Variants in TMEM132D observed in about 807,000 individuals in gnomAD.
TMEM132D encodes the protein transmembrane protein 132D, also known as mature OL transmembrane protein.
In TMEM132D, 21 loss-of-function variants were observed where a neutral mutation model predicts 62.3. The observed-to-expected ratio is 0.34, with a 90% CI of 0.24 to 0.49. The LOEUF is 0.49. Among genes scored for constraint, TMEM132D ranks in the 20% least tolerant of loss-of-function variants. The pLI, the probability that TMEM132D is intolerant of heterozygous loss-of-function variation, is 0.99. For synonymous variants in TMEM132D, 621 were observed against 575.6 expected (o/e 1.08, Z -1.13); for missense variants, 1,346 against 1,402.8 (o/e 0.96, Z 0.65).
At chr12:129,674,157 C>T (rs769042628) in intron 2 of TMEM132D, among the ~76,000 whole-genome samples, 12 of 152,108 alleles carry the variant, frequency 7.9e-5, no homozygotes, top group Non-Finnish European at 1.8e-4. Context: ...TTCCTCAAAC[C>T]CATGCAAAGG....
At chr12:129,809,282 TG>T (rs1406957752) in intron 1 of TMEM132D, among the ~76,000 whole-genome samples, 1 of 141,878 alleles carries the variant, frequency 7.0e-6, no homozygotes, top group Non-Finnish European at 1.5e-5. Context: ...CACTCCAGCC[TG>T]GGCGACAGAG....
intron 1 of TMEM132D, among the ~76,000 whole-genome samples, chr12:129,703,039 C>T (rs1017398465): frequency 1.3e-5 from 2 of 152,200 alleles, no homozygotes; most frequent in African/African-American, 2.4e-5. Flanking sequence ...GATACAGTGT[C>T]CCCTATTGTT....
rs550839342 is a variant in TMEM132D, at chr12:129,823,347, G to A, written c.79+79914C>T. Among the ~76,000 whole-genome samples, 3 of 152,344 alleles carry A rather than the reference G, an allele frequency of 2.0e-5. No individual in the cohort carries two copies. In the East Asian group the frequency reaches 5.8e-4, roughly 29 times the overall value. On this transcript the variant is annotated intron_variant, in intron 1 of 8. Transcript: ENST00000422113. ...CTGGTCATGTGGACATTTCTCCCCA[G>A]CATATGCTGAAATTCCAGACTCCTA...
At chr12:129,302,055 T>C (rs1336649432) in intron 4 of TMEM132D, among the ~76,000 whole-genome samples, 1 of 152,234 alleles carries the variant, frequency 6.6e-6, no homozygotes, top group Non-Finnish European at 1.5e-5. Flanking sequence ...TTTTCTGGGC[T>C]CAAAATCTTG....
chr12:129,468,255 A>G (rs1437165066), intron 3 of TMEM132D, among the ~76,000 whole-genome samples: 1 of 151,880 alleles, frequency 6.6e-6, no homozygotes, highest in Non-Finnish European at 1.5e-5. Flanking sequence ...TTTCTGTTGC[A>G]GAAAGAAGAG....
In TMEM132D at chr12:129,074,021, C is replaced by A; in HGVS notation, c.3154G>T (p.Ala1052Ser). 1 of 1,613,910 alleles carries A rather than the reference C, an allele frequency of 6.2e-7. No individual in the cohort carries two copies. Among genetic ancestry groups the A allele is most frequent in the South Asian group, 1.1e-5 (1 of 91,028 alleles). Residue 1052 changes from alanine to serine, a missense_variant, in exon 9 of 9, where the codon GCC becomes TCC. Physicochemically the swap from Ala to Ser is moderately conservative, Grantham distance 99. Transcript: ENST00000422113. ...GGGTACTCGTCGTCTGAGGAGACGG[C>A]GGTGAAGGTGGTAAATTTTACCCTT... The part of the protein sequence containing the change: ...RKRVKFTTFT[A>S]VSSDDEYPTR...
At chr12:129,832,111 T>TCTC (rs1387862919) in intron 1 of TMEM132D, among the ~76,000 whole-genome samples, 1 of 142,876 alleles carries the variant, frequency 7.0e-6, no homozygotes, top group East Asian at 2.1e-4. Context: ...CTGGTCTCAA[T>TCTC]CTCCGGACCT....
At chr12:129,638,471 T>C (rs1214754187) in intron 2 of TMEM132D, among the ~76,000 whole-genome samples, 1 of 110,336 alleles carries the variant, frequency 9.1e-6, no homozygotes, top group East Asian at 2.4e-4. Context: ...AAAATCACAC[T>C]ATATATATAG....
At chr12:129,612,542 C>T (rs1177683036) in intron 2 of TMEM132D, among the ~76,000 whole-genome samples, 2 of 152,176 alleles carry the variant, frequency 1.3e-5, no homozygotes, top group Non-Finnish European at 2.9e-5. Flanking sequence ...CTTACTCTTA[C>T]AGGCTTAAAG....
At chr12:129,296,072 A>G (rs1187394250) in intron 4 of TMEM132D, among the ~76,000 whole-genome samples, 4 of 79,332 alleles carry the variant, frequency 5.0e-5, no homozygotes, top group Non-Finnish European at 6.9e-5. Context: ...GAACATGCAC[A>G]CACACACACA....
intron 3 of TMEM132D, among the ~76,000 whole-genome samples, chr12:129,466,653 C>G (rs1290736042): frequency 2.0e-5 from 3 of 152,116 alleles, no homozygotes; most frequent in Non-Finnish European, 4.4e-5. Flanking sequence ...CTGGAGAAGA[C>G]ACTGTTCGAC....
chr12:129,428,753 A>G (rs1467924195), intron 3 of TMEM132D, among the ~76,000 whole-genome samples: 1 of 152,204 alleles, frequency 6.6e-6, no homozygotes, highest in Non-Finnish European at 1.5e-5. Flanking sequence ...CTGTTTCATC[A>G]CTTAGTCCTT....
At chr12:129,319,629 G>A (rs577802969) in intron 4 of TMEM132D, among the ~76,000 whole-genome samples, 1 of 152,320 alleles carries the variant, frequency 6.6e-6, no homozygotes, top group East Asian at 1.9e-4. Flanking sequence ...AGAAAATCTG[G>A]ACTGTTCAGA....
intron 5 of TMEM132D, among the ~76,000 whole-genome samples, chr12:129,190,953 A>G (rs1878380930): frequency 6.6e-6 from 1 of 151,948 alleles, no homozygotes; most frequent in East Asian, 1.9e-4. Context: ...CTCCGCACAA[A>G]AGGTGTAGTC....
intron 3 of TMEM132D, among the ~76,000 whole-genome samples, chr12:129,513,287 A>T (rs1875548217): frequency 6.6e-6 from 1 of 152,072 alleles, no homozygotes; most frequent in Non-Finnish European, 1.5e-5. Flanking sequence ...CTCCCTCAAG[A>T]ACCAATCCAG....
rs77061222 is a variant in TMEM132D at position 129,741,569 on chromosome 12, T to G, written c.80-40871A>C. 8.5e-3 allele frequency among the ~76,000 whole-genome samples: 1,297 copies of G among 152,258 alleles called. 17 individuals carry two copies. The highest frequency in any genetic ancestry group is 0.03 in the African/African-American group (1,228 of 41,554). ...TAAGTCAGTGCTCAACCACAGCAACTGTGAAGAATGTTCTCTCCCTGGATG... is the reference window on the plus strand; with the variant it reads ...TAAGTCAGTGCTCAACCACAGCAACGGTGAAGAATGTTCTCTCCCTGGATG... On this transcript the variant is annotated intron_variant, in intron 1 of 8. Coordinates refer to ENST00000422113, the MANE Select transcript of TMEM132D (RefSeq NM_133448.3).
chr12:129,318,664 G>C (rs1288521844), intron 4 of TMEM132D, among the ~76,000 whole-genome samples: 1 of 152,140 alleles, frequency 6.6e-6, no homozygotes, highest in African/African-American at 2.4e-5. Flanking sequence ...CAGTGGGCGG[G>C]ACCCTAGATC....
chr12:129,730,074 C>T (rs1303727596), intron 1 of TMEM132D, among the ~76,000 whole-genome samples: 2 of 152,166 alleles, frequency 1.3e-5, no homozygotes, highest in African/African-American at 4.8e-5. Flanking sequence ...CCACTTGCAC[C>T]CAAGTGAATA....
At chr12:129,602,736 C>T (rs1488151341) in intron 2 of TMEM132D, among the ~76,000 whole-genome samples, 2 of 152,202 alleles carry the variant, frequency 1.3e-5, no homozygotes, top group Admixed American at 1.3e-4. Context: ...ATCACCATCC[C>T]CCACCAGAGG....
Sources: gnomAD v4.1 joint callset for allele counts (sites outside exome capture counted in the v4.1 genomes callset) on GRCh38, gnomAD v4.1.1 for gene constraint, MANE v1.5 for transcripts, NCBI Gene and HGNC (gene_info 2026-07-23, HGNC 2026-07-21) for gene names.